Variants in TMEFF1 observed in about 807,000 individuals in gnomAD.
The protein encoded by TMEFF1 is transmembrane protein with EGF like and two follistatin like domains 1, also known as tomoregulin-1.
TMEFF1 carries 20 observed loss-of-function variants against 47.5 expected under a neutral mutation model. That is an observed-to-expected ratio of 0.42 (90% confidence interval 0.30 to 0.61). The LOEUF (loss-of-function observed/expected upper bound fraction) is 0.61. Ranked by LOEUF, TMEFF1 falls within the 20% of genes least tolerant of loss-of-function variation. The probability of loss-of-function intolerance (pLI) is 0.19; values close to 1 mark genes in which losing one functional copy is unlikely to be tolerated. For synonymous variants in TMEFF1, 162 were observed against 166.3 expected (o/e 0.97, Z 0.20); for missense variants, 411 against 471.1 (o/e 0.87, Z 1.18).
At chr9:100,543,704 AACAC>A (rs36046142) in intron 5 of TMEFF1, among the ~76,000 whole-genome samples, 4,003 of 138,878 alleles carry the variant, frequency 0.029, 57 homozygotes, top group African/African-American at 0.036. Context: ...GATGAAGTAA[AACAC>A]ACACACACAC....
chr9:100,542,298 A>G (rs1172059678), intron 5 of TMEFF1, among the ~76,000 whole-genome samples: 1 of 152,148 alleles, frequency 6.6e-6, no homozygotes, highest in Non-Finnish European at 1.5e-5. Context: ...ATCATCATGT[A>G]TTTTAATTTC....
intron 8 of TMEFF1, 93 bp downstream of exon 8, chr9:100,561,613 C>A: frequency 7.3e-7 from 1 of 1,377,264 alleles, no homozygotes; most frequent in Non-Finnish European, 9.4e-7. Context: ...TAAATATTAC[C>A]AGAAAGTAGT....
intron 8 of TMEFF1, among the ~76,000 whole-genome samples, chr9:100,570,680 G>A (rs1026301220): frequency 2.2e-4 from 34 of 151,800 alleles, no homozygotes; most frequent in African/African-American, 7.0e-4. Flanking sequence ...AAAGCGTAGA[G>A]CCCAATGTGA....
chr9:100,565,509 G>A (rs760790165), intron 8 of TMEFF1, among the ~76,000 whole-genome samples: 5 of 152,062 alleles, frequency 3.3e-5, no homozygotes, highest in African/African-American at 9.7e-5. Context: ...CATACCGATC[G>A]GTCTCAAGGT....
chr9:100,533,073 C>G (rs1405496421), intron 5 of TMEFF1, among the ~76,000 whole-genome samples: 2 of 123,724 alleles, frequency 1.6e-5, no homozygotes, highest in Non-Finnish European at 3.1e-5. Context: ...GAATATCACA[C>G]TCTGGGGACT....
chr9:100,545,915 A>G (rs1838723381), intron 5 of TMEFF1, among the ~76,000 whole-genome samples: 1 of 152,208 alleles, frequency 6.6e-6, no homozygotes, highest in Admixed American at 6.5e-5. Context: ...AGTTCCCAAC[A>G]GGTTCCTCAT....
chr9:100,493,990 C>G (rs1837605774), intron 1 of TMEFF1, among the ~76,000 whole-genome samples: 1 of 152,018 alleles, frequency 6.6e-6, no homozygotes, highest in Non-Finnish European at 1.5e-5. Flanking sequence ...CAAGATCAGC[C>G]TGGGCAACAT....
chr9:100,527,167 C>G (rs977889686), intron 5 of TMEFF1, among the ~76,000 whole-genome samples: 3 of 151,622 alleles, frequency 2.0e-5, no homozygotes, highest in Non-Finnish European at 4.4e-5. Flanking sequence ...AAACTACCTA[C>G]TTTGAAAGAT....
intron 4 of TMEFF1, among the ~76,000 whole-genome samples, chr9:100,515,886 A>G (rs1278741765): frequency 6.6e-6 from 1 of 152,122 alleles, no homozygotes; most frequent in Non-Finnish European, 1.5e-5. Context: ...ATGAACTGAA[A>G]TCCTTAAGTT....
chr9:100,549,415 C>T (rs1027934877), intron 6 of TMEFF1, among the ~76,000 whole-genome samples: 7 of 152,286 alleles, frequency 4.6e-5, no homozygotes, highest in East Asian at 1.9e-4. Flanking sequence ...CAATTAGACA[C>T]GGCATTTGGG....
intron 1 of TMEFF1, among the ~76,000 whole-genome samples, chr9:100,494,766 G>T (rs902457439): frequency 7.9e-5 from 12 of 152,156 alleles, no homozygotes; most frequent in Non-Finnish European, 1.5e-4. Flanking sequence ...TCCAAGGTAG[G>T]CAATTAGCAG....
chr9:100,487,780 T>C (rs1229726037), intron 1 of TMEFF1, among the ~76,000 whole-genome samples: 2 of 152,048 alleles, frequency 1.3e-5, no homozygotes, highest in African/African-American at 4.8e-5. Context: ...TTTTTTTTTT[T>C]TTAAATTCTA....
chr9:100,496,722 C>G (rs988670021), intron 1 of TMEFF1, among the ~76,000 whole-genome samples: 2 of 152,226 alleles, frequency 1.3e-5, no homozygotes, highest in Non-Finnish European at 2.9e-5. Context: ...CATTACAATT[C>G]AAGAGTCTCA....
At position 100,473,502 on chromosome 9, in the gene TMEFF1, GCCTGCGGCTC is replaced by G. The variant is rs1443443864; in HGVS notation, c.-36_-27del. The G allele has an allele frequency of 7.5e-7, 1 of 1,335,594 alleles. No homozygotes were observed. The highest frequency in any genetic ancestry group is 3.9e-5 in the Admixed American group (1 of 25,878). 82.7% of individuals were successfully genotyped at this position (1,335,594 alleles called of 1,614,324 possible). On this transcript the variant is annotated 5_prime_UTR_variant, in exon 1 of 10. Transcript: ENST00000374879. This position sits in a 1 kb window ranked among gnomAD's most constrained non-coding sequence, Gnocchi z 5.4. Reference sequence around the variant, plus strand: ...CTGGGCGCGCGGCTGGATGCCCCCGGCCTGCGGCTCCCTGCGCTTCCCGCCGTCCAGGGGC... The same window carrying G: ...CTGGGCGCGCGGCTGGATGCCCCCGGCCTGCGCTTCCCGCCGTCCAGGGGC...
intron 7 of TMEFF1, among the ~76,000 whole-genome samples, chr9:100,559,664 TA>T (rs1487210972): frequency 1.3e-5 from 2 of 152,188 alleles, no homozygotes; most frequent in Non-Finnish European, 2.9e-5. Flanking sequence ...CTAGAAAATA[TA>T]AAATTACATA....
At chr9:100,568,886 A>G (rs1839177017) in intron 8 of TMEFF1, among the ~76,000 whole-genome samples, 1 of 152,152 alleles carries the variant, frequency 6.6e-6, no homozygotes, top group African/African-American at 2.4e-5. Context: ...CATCCATGTC[A>G]TAACACATAT....
At chr9:100,534,452 G>C (rs1005409220) in intron 5 of TMEFF1, among the ~76,000 whole-genome samples, 1 of 152,186 alleles carries the variant, frequency 6.6e-6, no homozygotes, top group East Asian at 1.9e-4. Context: ...ATTTATTAAA[G>C]AGTGATTTCT....
chr9:100,514,681 T>C (rs1349856525), intron 4 of TMEFF1, among the ~76,000 whole-genome samples: 1 of 139,950 alleles, frequency 7.1e-6, no homozygotes, highest in Non-Finnish European at 1.5e-5. Context: ...TGAGACCCTG[T>C]CTCTACCCCA....
intron 9 of TMEFF1, among the ~76,000 whole-genome samples, chr9:100,575,001 C>G (rs1276559693): frequency 6.6e-6 from 1 of 152,188 alleles, no homozygotes; most frequent in Non-Finnish European, 1.5e-5. Flanking sequence ...CCCACTGTCT[C>G]TACGATTGAA....
Sources: allele counts gnomAD v4.1 joint callset (sites outside exome capture counted in the v4.1 genomes callset), GRCh38; gene constraint gnomAD v4.1.1; non-coding constraint Gnocchi (gnomAD v3.1); transcripts MANE v1.5; gene names NCBI Gene and HGNC (gene_info 2026-07-23, HGNC 2026-07-21).